Variants in NRG1 observed in about 807,000 individuals in gnomAD.
NRG1 encodes the protein pro-neuregulin-1, membrane-bound isoform.
Under a neutral mutation model 63.8 loss-of-function variants are expected in NRG1, and 18 were observed. That is an observed-to-expected ratio of 0.28 (90% CI 0.19 to 0.42). The LOEUF is 0.42. NRG1 is among the 10% of genes least tolerant of loss of function. The probability of loss-of-function intolerance (pLI) is 1.00; values close to 1 mark genes in which losing one functional copy is unlikely to be tolerated. For missense variants in NRG1, 762 were observed against 814.7 expected, an observed-to-expected ratio of 0.94 and a Z score of 0.79; for synonymous variants, 302 against 301.3, an observed-to-expected ratio of 1.00 and a Z score of -0.02.
intron 1 of NRG1, among the ~76,000 whole-genome samples, chr8:31,682,007 A>C (rs950917806): frequency 6.6e-6 from 1 of 152,118 alleles, no homozygotes; most frequent in Non-Finnish European, 1.5e-5. Flanking sequence ...AGTGCTGTGC[A>C]TTCTGTGAGT....
At chr8:32,585,311 C>G (rs1841397201) in intron 1 of NRG1, among the ~76,000 whole-genome samples, 1 of 152,136 alleles carries the variant, frequency 6.6e-6, no homozygotes, top group South Asian at 2.1e-4. Context: ...TCCATTTTAA[C>G]CCTGTGAGTT....
At chr8:32,422,978 G>A (rs947869741) in intron 1 of NRG1, among the ~76,000 whole-genome samples, 1 of 152,174 alleles carries the variant, frequency 6.6e-6, no homozygotes, top group Non-Finnish European at 1.5e-5. Flanking sequence ...CCATGTGTGA[G>A]ATCACCTGGG....
At chr8:32,357,837 A>G (rs1484411132) in intron 1 of NRG1, among the ~76,000 whole-genome samples, 1 of 152,210 alleles carries the variant, frequency 6.6e-6, no homozygotes. Flanking sequence ...GGGGATTCAA[A>G]CAATTAAAGA....
At chr8:32,052,728 T>C (rs1188697500) in intron 1 of NRG1, among the ~76,000 whole-genome samples, 1 of 152,174 alleles carries the variant, frequency 6.6e-6, no homozygotes, top group Non-Finnish European at 1.5e-5. Flanking sequence ...TGCAGAGTGC[T>C]AGCTGTAATG....
chr8:31,660,613 A>C (rs1308536599), intron 1 of NRG1, among the ~76,000 whole-genome samples: 1 of 152,260 alleles, frequency 6.6e-6, no homozygotes, highest in Non-Finnish European at 1.5e-5. Context: ...CTCACCAGCC[A>C]CTAGAGTTAA....
chr8:32,495,776 T>C (rs1244763744), intron 1 of NRG1, among the ~76,000 whole-genome samples: 1 of 152,176 alleles, frequency 6.6e-6, no homozygotes, highest in Non-Finnish European at 1.5e-5. Flanking sequence ...TGGTTTTGTT[T>C]TTGTTATTGT....
At chr8:31,734,729 C>T (rs1814478436) in intron 1 of NRG1, among the ~76,000 whole-genome samples, 1 of 152,184 alleles carries the variant, frequency 6.6e-6, no homozygotes, top group Non-Finnish European at 1.5e-5. Flanking sequence ...TCATTTGGAT[C>T]ACAGGGGCTG....
At chr8:31,724,820 A>C (rs1563331311) in intron 1 of NRG1, among the ~76,000 whole-genome samples, 2 of 152,140 alleles carry the variant, frequency 1.3e-5, no homozygotes. Flanking sequence ...AGATGCATAC[A>C]AAACAACCTT....
chr8:32,116,971 CAAAAA>C (rs756283492), intron 1 of NRG1, among the ~76,000 whole-genome samples: 2 of 31,548 alleles, frequency 6.3e-5, no homozygotes, highest in Non-Finnish European at 1.6e-4. Flanking sequence ...CCTGTCTCTA[CAAAAA>C]AAAAAAAAAA....
chr8:32,285,412 C>T (rs1853406542), intron 1 of NRG1, among the ~76,000 whole-genome samples: 1 of 152,134 alleles, frequency 6.6e-6, no homozygotes, highest in South Asian at 2.1e-4. Context: ...AAGTCAAAAG[C>T]ATACAATTAC....
chr8:31,670,151 A>G (rs765048209), intron 1 of NRG1, among the ~76,000 whole-genome samples: 32 of 152,252 alleles, frequency 2.1e-4, no homozygotes, highest in Non-Finnish European at 3.7e-4. Context: ...GCCAGCTTTC[A>G]TCTTTTTCTC....
chr8:31,751,775 T>C lies in NRG1; in HGVS notation c.37+112344T>C, dbSNP rs80280430. ...GGACGATGGGCAGAATTAATAGAAT[T>C]CATTGATATGAAGATGTGAGGAGGT... On this transcript the variant is annotated intron_variant, in intron 1 of 10. Transcript: ENST00000519301. Among the ~76,000 whole-genome samples, 510 of 151,958 alleles carry C rather than the reference T, an allele frequency of 3.4e-3. 3 individuals are homozygous for C. Among genetic ancestry groups the C allele is most frequent in the African/African-American group, 0.012 (484 of 41,474 alleles).
intron 1 of NRG1, among the ~76,000 whole-genome samples, chr8:32,115,732 C>T (rs1406675383): frequency 2.6e-5 from 4 of 152,108 alleles, no homozygotes; most frequent in African/African-American, 9.7e-5. Context: ...TCACAACATG[C>T]CTACAAGGTG....
At chr8:31,928,285 C>A (rs1274048301) in intron 1 of NRG1, among the ~76,000 whole-genome samples, 1 of 148,004 alleles carries the variant, frequency 6.8e-6, no homozygotes, top group African/African-American at 2.5e-5. Flanking sequence ...TGACATACCA[C>A]CTTACCCCCC....
intron 1 of NRG1, among the ~76,000 whole-genome samples, chr8:32,443,250 T>C (rs1819785199): frequency 6.6e-6 from 1 of 152,188 alleles, no homozygotes; most frequent in Non-Finnish European, 1.5e-5. Flanking sequence ...CCTGGGTGTC[T>C]GTCTTTATGC....
intron 1 of NRG1, among the ~76,000 whole-genome samples, chr8:32,460,255 A>G (rs1044396986): frequency 1.3e-5 from 2 of 152,230 alleles, no homozygotes; most frequent in Non-Finnish European, 2.9e-5. Flanking sequence ...GTGCTAATTA[A>G]TGACACTTTG....
intron 1 of NRG1, among the ~76,000 whole-genome samples, chr8:31,947,696 C>T (rs1418436104): frequency 2.0e-5 from 3 of 152,002 alleles, no homozygotes; most frequent in African/African-American, 2.4e-5. Context: ...GTAATCCCAG[C>T]ATTTTAGGAG....
chr8:32,354,779 T>A (rs1336318733), intron 1 of NRG1, among the ~76,000 whole-genome samples: 1 of 138,134 alleles, frequency 7.2e-6, no homozygotes, highest in Non-Finnish European at 1.6e-5. Flanking sequence ...TTGAGTTATA[T>A]CTCAATGAAG....
chr8:31,813,516 C>CTTTTCTTTTTTTTTTTTTTTTTTTTT, intron 1 of NRG1, among the ~76,000 whole-genome samples: 2 of 101,214 alleles, frequency 2.0e-5, no homozygotes, highest in African/African-American at 7.3e-5. Context: ...CTTTTCTTTT[C>CTTTTCTTTTTTTTTTTTTTTTTTTTT]TTTTTTTTTT....
Sources: allele counts gnomAD v4.1 joint callset (sites outside exome capture counted in the v4.1 genomes callset), GRCh38; gene constraint gnomAD v4.1.1; transcripts MANE v1.5; gene names NCBI Gene and HGNC (gene_info 2026-07-23, HGNC 2026-07-21).